The following FRAS1 variants were observed in gnomAD, a reference collection of about 807,000 sequenced individuals.
FRAS1 encodes the protein Fraser extracellular matrix complex subunit 1.
FRAS1 carries 290 observed loss-of-function variants against 435.2 expected under a neutral mutation model. That is an observed-to-expected ratio of 0.67 (90% CI 0.61 to 0.73). The LOEUF is 0.73. FRAS1 is among the 30% of genes least tolerant of loss of function. FRAS1 has a pLI of 0.00. For missense variants in FRAS1, 4,860 were observed against 5,001.5 expected (o/e 0.97, Z 0.85); for synonymous variants, 1,800 against 1,851.0 (o/e 0.97, Z 0.71).
At chr4:78,258,759 G>T (rs1578211243) in intron 6 of FRAS1, among the ~76,000 whole-genome samples, 1 of 144,878 alleles carries the variant, frequency 6.9e-6, no homozygotes, top group South Asian at 2.2e-4. Context: ...ACAATGTGCA[G>T]GTTAGTTACA....
intron 68 of FRAS1, among the ~76,000 whole-genome samples, 190 bp from the exon 69 acceptor site, chr4:78,522,459 C>T (rs192752802): frequency 3.3e-5 from 5 of 152,258 alleles, no homozygotes; most frequent in Admixed American, 1.3e-4. Flanking sequence ...ACAAGTAGGA[C>T]GATGGGCTAG....
At chr4:78,131,956 A>T (rs77877857) in intron 2 of FRAS1, among the ~76,000 whole-genome samples, 7,460 of 152,274 alleles carry the variant, frequency 0.049, 254 homozygotes, top group Middle Eastern at 0.085. Flanking sequence ...GACCATCTCC[A>T]TGGGGATAGT....
At chr4:78,377,556 C>T (rs1467955065) in intron 26 of FRAS1, among the ~76,000 whole-genome samples, 2 of 152,148 alleles carry the variant, frequency 1.3e-5, no homozygotes, top group African/African-American at 4.8e-5. Flanking sequence ...TTAAGAAATC[C>T]CTTTTTGTCC....
chr4:78,517,306 A>C lies in FRAS1; in HGVS notation c.10389+1293A>C, dbSNP rs58815656. ...CGGTTTTCCATTTCTCCAGTTGTAT[A>C]AACTTTGACTTTGGAAAATGCAAAA... is the stretch of plus-strand genomic sequence containing the variant. On this transcript the variant is annotated intron_variant, in intron 66 of 73. Coordinates refer to ENST00000512123, the MANE Select transcript of FRAS1 (RefSeq NM_025074.7). Among the ~76,000 whole-genome samples, 930 of 152,374 alleles carry C rather than the reference A, an allele frequency of 6.1e-3. 8 individuals are homozygous for C. Among genetic ancestry groups the C allele is most frequent in the African/African-American group, 0.021 (872 of 41,586 alleles).
intron 2 of FRAS1, among the ~76,000 whole-genome samples, chr4:78,233,376 A>C (rs1376581977): frequency 6.6e-6 from 1 of 152,200 alleles, no homozygotes; most frequent in Non-Finnish European, 1.5e-5. Flanking sequence ...TCCCTTATTC[A>C]ACAATGTTCT....
rs111598465 is a variant in FRAS1 at position 78,422,093 on chromosome 4, C to T, written c.4678+93C>T. On this transcript the variant is annotated intron_variant, in intron 34 of 73. Transcript: ENST00000512123. ...TAACTCTCCCTGCAGTCCTCTGGAC[C>T]ATTTGGTGCCCCTGCTTTCTAGCTA... The T allele has an allele frequency of 2.3e-5, 29 of 1,274,632 alleles. No individual in the cohort carries two copies. The African/African-American group carries it at 3.7e-4, about 16-fold the overall frequency. 79.0% of individuals were successfully genotyped at this position (1,274,632 alleles called of 1,614,324 possible). A position where few individuals can be genotyped will look rare whatever the true frequency, so the allele number is the denominator to read the frequency against.
intron 58 of FRAS1, among the ~76,000 whole-genome samples, 181 bp downstream of exon 58, chr4:78,482,716 T>C (rs78436852): frequency 0.015 from 2,283 of 152,336 alleles, 56 homozygotes; most frequent in African/African-American, 0.05. Flanking sequence ...GAGAGAACCA[T>C]TGATGTCTCC....
chr4:78,435,619 A>C (rs1237321523), intron 38 of FRAS1, among the ~76,000 whole-genome samples: 1 of 152,060 alleles, frequency 6.6e-6, no homozygotes, highest in African/African-American at 2.4e-5. Context: ...TGCAACTATA[A>C]TCCCAGTACT....
intron 68 of FRAS1, among the ~76,000 whole-genome samples, chr4:78,521,895 A>G (rs1721397798): frequency 6.6e-6 from 1 of 152,194 alleles, no homozygotes; most frequent in Non-Finnish European, 1.5e-5. Context: ...TCACAACATC[A>G]TGATCACTTC....
intron 2 of FRAS1, among the ~76,000 whole-genome samples, chr4:78,154,513 G>C (rs1174438262): frequency 6.6e-6 from 1 of 152,126 alleles, no homozygotes; most frequent in Admixed American, 6.6e-5. Context: ...ATTAATGTTT[G>C]CATGTTTTAA....
intron 69 of FRAS1, among the ~76,000 whole-genome samples, chr4:78,525,813 G>T (rs1423352284): frequency 6.6e-6 from 1 of 152,210 alleles, no homozygotes; most frequent in Non-Finnish European, 1.5e-5. Context: ...GACGAAATAG[G>T]AGAGAGGTCC....
chr4:78,133,824 A>G (rs975556353), intron 2 of FRAS1, among the ~76,000 whole-genome samples: 4 of 152,200 alleles, frequency 2.6e-5, no homozygotes, highest in Admixed American at 2.6e-4. Context: ...TTTCTTTTAA[A>G]GCACAAAGGA....
intron 9 of FRAS1, 125 bp downstream of exon 9, chr4:78,267,557 T>C: frequency 1.2e-6 from 1 of 806,822 alleles, no homozygotes; most frequent in Middle Eastern, 3.2e-4. Context: ...TCACACTTCA[T>C]AGGACCTTCT....
rs936525577 is a variant in FRAS1 at position 78,057,415 on chromosome 4, G to A, written c.-595G>A. On this transcript the variant is annotated 5_prime_UTR_variant, in exon 1 of 74. Transcript: ENST00000512123. This position sits in a 1 kb window ranked among gnomAD's most constrained non-coding sequence, Gnocchi z 4.2. ...GCTGCAGGGCGGGCGAGTCCCCGGAGCTGCCCTCAGCGCTGCACAGTTTCC... is the reference window on the plus strand; with the variant it reads ...GCTGCAGGGCGGGCGAGTCCCCGGAACTGCCCTCAGCGCTGCACAGTTTCC... 1.3e-3 allele frequency among the ~76,000 whole-genome samples: 200 copies of A among 152,296 alleles called. 3 individuals are homozygous for A. Among genetic ancestry groups the A allele is most frequent in the African/African-American group, 4.6e-3 (192 of 41,566 alleles).
intron 2 of FRAS1, among the ~76,000 whole-genome samples, chr4:78,213,914 A>G (rs922796469): frequency 6.6e-6 from 1 of 152,172 alleles, no homozygotes; most frequent in Non-Finnish European, 1.5e-5. Context: ...AGAAACACTC[A>G]TGTGTATAAT....
chr4:78,192,753 T>G (rs1722603483), intron 2 of FRAS1, among the ~76,000 whole-genome samples: 2 of 152,168 alleles, frequency 1.3e-5, no homozygotes, highest in Admixed American at 1.3e-4. Context: ...TTTGAGGGGT[T>G]TTTTGTGTCT....
At chr4:78,402,614 A>T (rs1034381278) in intron 30 of FRAS1, among the ~76,000 whole-genome samples, 7 of 152,218 alleles carry the variant, frequency 4.6e-5, no homozygotes, top group African/African-American at 1.7e-4. Context: ...TTAACGTCTT[A>T]TAACTATAGA....
intron 2 of FRAS1, among the ~76,000 whole-genome samples, chr4:78,132,588 G>A (rs1719733673): frequency 6.6e-6 from 1 of 152,194 alleles, no homozygotes; most frequent in Non-Finnish European, 1.5e-5. Flanking sequence ...ATGCAAGGGA[G>A]AGGAGTAATG....
intron 2 of FRAS1, among the ~76,000 whole-genome samples, chr4:78,123,886 T>C (rs541178824): frequency 8.5e-5 from 13 of 152,210 alleles, no homozygotes; most frequent in Admixed American, 3.9e-4. Flanking sequence ...GCTGAGACGA[T>C]GGGGTTTTTT....
Sources: allele counts gnomAD v4.1 joint callset (sites outside exome capture counted in the v4.1 genomes callset), GRCh38; gene constraint gnomAD v4.1.1; non-coding constraint Gnocchi (gnomAD v3.1); transcripts MANE v1.5; gene names NCBI Gene and HGNC (gene_info 2026-07-23, HGNC 2026-07-21).